The following ADAMTS14 variants were observed in gnomAD, a reference collection of about 807,000 sequenced individuals.
The protein encoded by ADAMTS14 is A disintegrin and metalloproteinase with thrombospondin motifs 14.
A neutral mutation model predicts 128.6 loss-of-function variants in ADAMTS14; 100 were observed. The ratio of observed to expected loss-of-function variants is 0.78; its 90% CI spans 0.66 to 0.92. ADAMTS14 has a LOEUF of 0.92. ADAMTS14 is among the 40% of genes least tolerant of loss of function. The pLI is 0.00. For synonymous variants in ADAMTS14, 665 were observed against 653.8 expected (o/e 1.02, Z -0.26); for missense variants, 1,562 against 1,658.6 (o/e 0.94, Z 1.01).
intron 4 of ADAMTS14, among the ~76,000 whole-genome samples, chr10:70,722,341 C>T (rs7914898): frequency 0.87 from 131,949 of 152,108 alleles, 57,514 homozygotes; most frequent in East Asian, 1. Context: ...GGAGGGGTCA[C>T]TGTGGCCATT....
chr10:70,729,868 G>A (rs1157697373), intron 5 of ADAMTS14, among the ~76,000 whole-genome samples: 5 of 152,228 alleles, frequency 3.3e-5, no homozygotes, highest in Admixed American at 6.5e-5. Flanking sequence ...AATTGTGTGT[G>A]TGAAGTTCCC....
At chr10:70,745,202 C>T (rs759088129) in intron 14 of ADAMTS14, 24 bp from the exon 15 acceptor site, 6 of 1,606,202 alleles carry the variant, frequency 3.7e-6, no homozygotes, top group African/African-American at 1.3e-5. Context: ...ATGCTCACGA[C>T]TTCTGGATCC....
chr10:70,693,684 T>C (rs952391444), intron 2 of ADAMTS14, among the ~76,000 whole-genome samples: 4 of 152,176 alleles, frequency 2.6e-5, no homozygotes, highest in African/African-American at 9.7e-5. Context: ...ACCCACCACA[T>C]TGCTTCTCCA....
chr10:70,711,249 A>G (rs1387610134), intron 4 of ADAMTS14, among the ~76,000 whole-genome samples: 4 of 152,242 alleles, frequency 2.6e-5, no homozygotes, highest in African/African-American at 9.6e-5. Context: ...CACTGACAAC[A>G]CAACGCTGAC....
In ADAMTS14 at chr10:70,725,627, C is replaced by T. The variant is rs74139895; in HGVS notation, c.871-3667C>T. Among the ~76,000 whole-genome samples the T allele has an allele frequency of 7.6e-3, 1,159 of 152,274 alleles. 8 individuals are homozygous for T. The highest frequency in any genetic ancestry group is 0.024 in the African/African-American group (1,015 of 41,554). On this transcript the variant is annotated intron_variant, in intron 4 of 21. Transcript: ENST00000373207. ...GCTCCTTTTATAAGGACACTAATCC[C>T]ATTCAGGAGGGCTCTGCCTTTATGA...
chr10:70,731,064 CCA>C (rs56903140), intron 6 of ADAMTS14, among the ~76,000 whole-genome samples: 19,552 of 145,674 alleles, frequency 0.13, 1,816 homozygotes, highest in East Asian at 0.44. Flanking sequence ...GTTTTACACA[CCA>C]CACACACACA....
intron 4 of ADAMTS14, among the ~76,000 whole-genome samples, chr10:70,722,574 T>C (rs1841305153): frequency 6.6e-6 from 1 of 152,150 alleles, no homozygotes; most frequent in South Asian, 2.1e-4. Flanking sequence ...AATGGCTGAC[T>C]CTGGGACTAG....
intron 12 of ADAMTS14, among the ~76,000 whole-genome samples, chr10:70,742,775 T>C (rs1459086787): frequency 6.6e-6 from 1 of 152,198 alleles, no homozygotes; most frequent in East Asian, 1.9e-4. Context: ...GCACAGTAAG[T>C]GTTTATATAT....
chr10:70,736,789 G>T lies in ADAMTS14; in HGVS notation c.1595G>T (p.Gly532Val). ...CTGGATGGGACTGAGTGTGCACCCG[G>T]CAAGGTACCTGTGGGGTGTGCAGCA... ...PPLDGTECAP[G>V]KWCFKGHCIW... The change falls in exon 10 of 22, where the codon GGC (glycine) becomes GTC (valine). Residue 532 changes from glycine (G) to valine (V), a missense_variant. Gly to Val is a moderately radical substitution (Grantham distance 109). Coordinates refer to ENST00000373207, the MANE Select transcript of ADAMTS14 (RefSeq NM_080722.4). 6.2e-7 allele frequency: 1 copy of T among 1,613,398 alleles called. No homozygotes were observed. Among genetic ancestry groups the T allele is most frequent in the Non-Finnish European group, 8.5e-7 (1 of 1,179,592 alleles).
chr10:70,727,975 A>G (rs991648476), intron 4 of ADAMTS14, among the ~76,000 whole-genome samples: 2 of 152,140 alleles, frequency 1.3e-5, no homozygotes, highest in African/African-American at 4.8e-5. Flanking sequence ...GGGTGCCTGT[A>G]GTCCCAGCTA....
intron 2 of ADAMTS14, among the ~76,000 whole-genome samples, chr10:70,701,633 T>G (rs755262022): frequency 1.3e-5 from 2 of 152,206 alleles, no homozygotes; most frequent in African/African-American, 4.8e-5. Flanking sequence ...CAACATATTT[T>G]TTTGTTTTTA....
chr10:70,760,740 C>T lies in ADAMTS14; in HGVS notation c.3559C>T (p.Leu1187=), dbSNP rs759026971. The change falls in exon 22 of 22, where the codon CTG becomes TTG. Residue 1187 remains leucine, a synonymous_variant. Transcript: ENST00000373207. ...CATCTCCCCTACCACCCCCGGGGGG[C>T]TGCCTTGGGGCTGGACTCAGACACC... ...WSISPTTPGG[L]PWGWTQTPTP... is the part of the protein sequence containing the mutation. 1.8e-5 allele frequency: 29 copies of T among 1,613,876 alleles called. No homozygotes were observed. Among genetic ancestry groups the T allele is most frequent in the Admixed American group, 5.0e-5 (3 of 59,988 alleles).
chr10:70,683,006 C>T (rs1450532081), intron 2 of ADAMTS14, among the ~76,000 whole-genome samples: 1 of 152,240 alleles, frequency 6.6e-6, no homozygotes, highest in Non-Finnish European at 1.5e-5. Flanking sequence ...CATTTGTCGT[C>T]CTCTCCGTGG....
intron 3 of ADAMTS14, among the ~76,000 whole-genome samples, chr10:70,703,741 G>A (rs1439154249): frequency 6.6e-6 from 1 of 152,218 alleles, no homozygotes; most frequent in Non-Finnish European, 1.5e-5. Context: ...TGCATCACCA[G>A]CCACCATGGT....
chr10:70,706,047 G>C (rs1365865676), intron 3 of ADAMTS14, among the ~76,000 whole-genome samples: 1 of 152,188 alleles, frequency 6.6e-6, no homozygotes, highest in African/African-American at 2.4e-5. Flanking sequence ...TTCTTGGATG[G>C]CTCATGGCAG....
At chr10:70,723,836 C>T (rs1441105781) in intron 4 of ADAMTS14, among the ~76,000 whole-genome samples, 1 of 152,190 alleles carries the variant, frequency 6.6e-6, no homozygotes, top group Non-Finnish European at 1.5e-5. Context: ...CCCACCCCAG[C>T]CACCCTGCCA....
Position 70,749,992 on chromosome 10 carries a change from C to A in ADAMTS14, c.2427+7C>A. ...TGAAGCCATTGCCATCCTGGTGAGC[C>A]CCACTCTGTGCGGTGGCAACCCCTG... On this transcript the variant is annotated splice_region_variant and intron_variant, in intron 16 of 21. Transcript: ENST00000373207. 1 of 1,613,636 alleles carries A rather than the reference C, an allele frequency of 6.2e-7. No homozygotes were observed. Among genetic ancestry groups the A allele is most frequent in the Non-Finnish European group, 8.5e-7 (1 of 1,179,866 alleles).
chr10:70,740,805 G>C (rs763378796), intron 11 of ADAMTS14, among the ~76,000 whole-genome samples, 182 bp from the exon 12 acceptor site: 1 of 152,212 alleles, frequency 6.6e-6, no homozygotes, highest in Non-Finnish European at 1.5e-5. Context: ...GAAGGATCTG[G>C]ATAGCTCTTC....
intron 18 of ADAMTS14, among the ~76,000 whole-genome samples, chr10:70,752,858 A>G (rs1210603036): frequency 1.3e-5 from 2 of 152,142 alleles, no homozygotes; most frequent in Non-Finnish European, 2.9e-5. Flanking sequence ...ACCGGTGGCC[A>G]GCGCTAGAGG....
Sources: gnomAD v4.1 joint callset for allele counts (sites outside exome capture counted in the v4.1 genomes callset) on GRCh38, gnomAD v4.1.1 for gene constraint, MANE v1.5 for transcripts, NCBI Gene and HGNC (gene_info 2026-07-23, HGNC 2026-07-21) for gene names.